The following AMZ2 variants were observed in gnomAD, a reference collection of about 807,000 sequenced individuals.
AMZ2 encodes archaelysin family metallopeptidase 2.
AMZ2 carries 26 observed loss-of-function variants against 36.7 expected under a neutral mutation model. The ratio of observed to expected loss-of-function variants is 0.71; its 90% CI spans 0.52 to 0.98. The LOEUF (loss-of-function observed/expected upper bound fraction) is 0.98. AMZ2 is among the 50% of genes least tolerant of loss of function. The probability of loss-of-function intolerance (pLI) is 0.00; values close to 1 mark genes in which losing one functional copy is unlikely to be tolerated. For missense variants in AMZ2, 394 were observed against 430.5 expected, an observed-to-expected ratio of 0.92 and a Z score of 0.75; for synonymous variants, 144 against 149.1, an observed-to-expected ratio of 0.97 and a Z score of 0.25.
chr17:68,233,508 C>CA lies in AMZ2; in HGVS notation c.-66-15112dup, dbSNP rs35601824. ...TGCCGACAAGAGCGAAACTATGTCTCAAAAAAAAAAAAAAAAAAAAGAGAG... is the reference window on the plus strand; with the variant it reads ...TGCCGACAAGAGCGAAACTATGTCTCAAAAAAAAAAAAAAAAAAAAAGAGAG... On this transcript the variant is annotated intron_variant, in intron 1 of 7. Transcript: ENST00000674770. 7.9e-3 allele frequency among the ~76,000 whole-genome samples: 621 copies of CA among 78,352 alleles called. 3 individuals are homozygous for CA. Among genetic ancestry groups the CA allele is most frequent in the Non-Finnish European group, 0.01 (403 of 40,294 alleles). 51.4% of individuals were successfully genotyped at this position (78,352 alleles called of 152,430 possible).
Position 68,211,355 on chromosome 17 carries a change from T to C in AMZ2, c.-67+5117T>C, listed in dbSNP as rs578131518. 2.6e-5 allele frequency among the ~76,000 whole-genome samples: 4 copies of C among 151,970 alleles called. No homozygotes were observed. In the East Asian group the frequency reaches 7.7e-4, roughly 29 times the overall value. ...GTTTCTACTAAAAATGCAAAAAAAT[T>C]AGCTGGGCGTGGTGGCGGGCATCTG... On this transcript the variant is annotated intron_variant, in intron 1 of 7. Transcript: ENST00000674770.
intron 1 of AMZ2, chr17:68,206,631 CTT>C (rs782409240): frequency 2.0e-5 from 3 of 152,288 alleles, no homozygotes; most frequent in Non-Finnish European, 4.4e-5. Context: ...AAAGAAGCCT[CTT>C]GTTTTACAAA....
At chr17:68,214,590 C>G (rs1182437950) in intron 1 of AMZ2, among the ~76,000 whole-genome samples, 1 of 152,154 alleles carries the variant, frequency 6.6e-6, no homozygotes, top group African/African-American at 2.4e-5. Context: ...TCTGCTCCAG[C>G]CAGTTCCCTA....
At chr17:68,206,474 C>T in intron 1 of AMZ2, 1 of 182,946 alleles carries the variant, frequency 5.5e-6, no homozygotes, top group Non-Finnish European at 1.1e-5. Flanking sequence ...CACTCGCTCG[C>T]TCTCTCTCTC....
At chr17:68,226,671 T>C (rs576023921) in intron 1 of AMZ2, among the ~76,000 whole-genome samples, 1 of 152,182 alleles carries the variant, frequency 6.6e-6, no homozygotes, top group Non-Finnish European at 1.5e-5. Context: ...GCATCATGCA[T>C]GTGTTTGGAA....
intron 1 of AMZ2, among the ~76,000 whole-genome samples, chr17:68,230,063 T>TTTTTG (rs1197842995): frequency 2.0e-5 from 3 of 152,180 alleles, no homozygotes; most frequent in South Asian, 2.1e-4. Flanking sequence ...TGTCCTGTTT[T>TTTTTG]TTTTGTTTTG....
At chr17:68,225,646 T>G (rs2144569989) in intron 1 of AMZ2, among the ~76,000 whole-genome samples, 1 of 152,266 alleles carries the variant, frequency 6.6e-6, no homozygotes, top group East Asian at 1.9e-4. Flanking sequence ...CTTTTTTTTA[T>G]TTTTTGAGAT....
rs147149178 is a variant in AMZ2 at position 68,256,836 on chromosome 17, A to G, written c.950A>G (p.Asp317Gly). ...RYKALVRWID[D>G]ESSDTPGATP... Reference sequence around the variant, plus strand: ...CAGGCACTGGTGAGGTGGATTGATGATGAATCTTCTGACACACCTGGAGCA... The same window carrying G: ...CAGGCACTGGTGAGGTGGATTGATGGTGAATCTTCTGACACACCTGGAGCA... The change falls in exon 7 of 7, where the codon GAT becomes GGT. Residue 317 changes from aspartate to glycine, a missense_variant. Physicochemically the swap from Asp to Gly is moderately conservative, Grantham distance 94. Coordinates refer to ENST00000359904, the MANE Select transcript of AMZ2 (RefSeq NM_016627.5). 4 of 1,613,334 alleles carry G rather than the reference A, an allele frequency of 2.5e-6. No individual in the cohort carries two copies. The African/African-American group carries it at 4.0e-5, about 16-fold the overall frequency.
chr17:68,208,077 C>T (rs1364452857), intron 1 of AMZ2, among the ~76,000 whole-genome samples: 1 of 152,182 alleles, frequency 6.6e-6, no homozygotes, highest in Non-Finnish European at 1.5e-5. Flanking sequence ...ACCTGCAGCC[C>T]GCCATGCCTG....
chr17:68,228,341 T>A (rs28777671), intron 1 of AMZ2, among the ~76,000 whole-genome samples: 25,078 of 152,056 alleles, frequency 0.16, 2,148 homozygotes, highest in East Asian at 0.29. Flanking sequence ...TGCACAGAGA[T>A]GGAGCTGAGC....
rs555801731 is a variant in AMZ2, at chr17:68,211,255, C to T, written c.-67+5017C>T. ...CGGTGGCTCACGCCTGTAATCCCAG[C>T]GCTTTGGGAGGCCGATGCGGTAGGA... On this transcript the variant is annotated intron_variant, in intron 1 of 7. Transcript: ENST00000674770. Among the ~76,000 whole-genome samples the T allele has an allele frequency of 1.5e-4, 23 of 152,214 alleles. No individual in the cohort carries two copies. In the South Asian group the frequency reaches 4.8e-3, roughly 32 times the overall value.
At position 68,250,434 on chromosome 17, in the gene AMZ2, T is replaced by A; in HGVS notation, c.247T>A (p.Ser83Thr). The change falls in exon 2 of 7, where the codon TCT becomes ACT. Residue 83 changes from serine (S) to threonine (T), a missense_variant. Ser to Thr is a moderately conservative substitution (Grantham distance 58). Coordinates refer to ENST00000359904, the MANE Select transcript of AMZ2 (RefSeq NM_016627.5). Reference protein sequence around the residue: ...FFSDPYRKTPSPNKRSIYIQS... With the variant: ...FFSDPYRKTPTPNKRSIYIQS... ...CAGTGATCCTTACAGAAAGACACCC[T>A]CTCCAAACAAACGCAGCATTTATAT... is the stretch of plus-strand genomic sequence containing the variant. 1.2e-6 allele frequency: 2 copies of A among 1,614,102 alleles called. No homozygotes were observed. Among genetic ancestry groups the A allele is most frequent in the Non-Finnish European group, 1.7e-6 (2 of 1,180,018 alleles).
At chr17:68,210,697 C>T (rs1292277717) in intron 1 of AMZ2, among the ~76,000 whole-genome samples, 1 of 151,998 alleles carries the variant, frequency 6.6e-6, no homozygotes, top group Non-Finnish European at 1.5e-5. Context: ...CCTGTAATTC[C>T]AGCACTTTGG....
chr17:68,230,713 C>T (rs1311599325), intron 1 of AMZ2, among the ~76,000 whole-genome samples: 1 of 152,182 alleles, frequency 6.6e-6, no homozygotes, highest in Non-Finnish European at 1.5e-5. Context: ...ATCACAGATG[C>T]CATGGGGGCA....
In AMZ2 at chr17:68,221,213, C is replaced by CA. The variant is rs1260147978; in HGVS notation, c.-67+14975_-67+14976insA. On this transcript the variant is annotated intron_variant, in intron 1 of 7. Transcript: ENST00000674770. ...CTTCCTGCCTCAGCCCTCAGCTCCC[C>CA]CCCCCGCCCCCCCGGTAGCTAGGAC... Among the ~76,000 whole-genome samples, 44 of 81,980 alleles carry CA rather than the reference C, an allele frequency of 5.4e-4. 3 individuals carry two copies. The East Asian group carries it at 0.021, about 39-fold the overall frequency. The allele number at this position is 81,980 out of a possible 152,430, so 53.8% of individuals were successfully genotyped here.
In AMZ2 at chr17:68,250,901, C is replaced by G. The variant is rs1484764689; in HGVS notation, c.391C>G (p.Pro131Ala). 1.9e-6 allele frequency: 3 copies of G among 1,610,486 alleles called. No individual in the cohort carries two copies. In the African/African-American group the frequency reaches 4.0e-5, roughly 22 times the overall value. Reference protein sequence around the residue: ...GLRVKLLEPVPVSVTRCSFRV... With the variant: ...GLRVKLLEPVAVSVTRCSFRV... Reference sequence around the variant, plus strand: ...GAGAGTAAAACTCCTAGAACCAGTTCCTGTTTCTGTAACAAGATGTTCCTT... The same window carrying G: ...GAGAGTAAAACTCCTAGAACCAGTTGCTGTTTCTGTAACAAGATGTTCCTT... The change falls in exon 3 of 7, where the codon CCT becomes GCT. Residue 131 changes from proline to alanine, a missense_variant. Coordinates refer to ENST00000359904, the MANE Select transcript of AMZ2 (RefSeq NM_016627.5).
In AMZ2 at chr17:68,235,787, G is replaced by A. The variant is rs1283101563; in HGVS notation, c.-66-12853G>A. On this transcript the variant is annotated intron_variant, in intron 1 of 7. Transcript: ENST00000674770. This position sits in a 1 kb window ranked among gnomAD's most constrained non-coding sequence, Gnocchi z 4.2. ...TGCTGTGCCCTCAGCCTGGGCTGCC[G>A]TGGACTGGCCGTCCCTACCCCTCCA... Among the ~76,000 whole-genome samples the A allele has an allele frequency of 5.3e-5, 8 of 152,112 alleles. No homozygotes were observed. Among genetic ancestry groups the A allele is most frequent in the African/African-American group, 1.4e-4 (6 of 41,494 alleles).
chr17:68,209,559 A>G (rs1490316034), intron 1 of AMZ2, among the ~76,000 whole-genome samples: 9 of 148,862 alleles, frequency 6.0e-5, no homozygotes, highest in African/African-American at 2.2e-4. Context: ...GTAAAATAAT[A>G]TTATAGAAGA....
At chr17:68,237,367 T>C (rs2073812518) in intron 1 of AMZ2, among the ~76,000 whole-genome samples, 1 of 152,238 alleles carries the variant, frequency 6.6e-6, no homozygotes, top group African/African-American at 2.4e-5. Context: ...AGCTTTTCTA[T>C]TCTAAGTGTG....
Sources: allele counts gnomAD v4.1 joint callset (sites outside exome capture counted in the v4.1 genomes callset), GRCh38; gene constraint gnomAD v4.1.1; non-coding constraint Gnocchi (gnomAD v3.1); transcripts MANE v1.5; gene names NCBI Gene and HGNC (gene_info 2026-07-23, HGNC 2026-07-21).